Variants in KLF12 observed in about 807,000 individuals in gnomAD.
KLF12 encodes Krueppel-like factor 12.
In KLF12, 9 loss-of-function variants were observed where a neutral mutation model predicts 37.8. The ratio of observed to expected loss-of-function variants is 0.24; its 90% CI spans 0.14 to 0.42. The LOEUF (loss-of-function observed/expected upper bound fraction) is 0.42. KLF12 is among the 10% of genes least tolerant of loss of function. KLF12 has a pLI of 1.00. For synonymous variants in KLF12, 208 were observed against 202.1 expected, an observed-to-expected ratio of 1.03 and a Z score of -0.25; for missense variants, 411 against 516.0, an observed-to-expected ratio of 0.80 and a Z score of 1.97.
chr13:74,162,203 T>C, the KLF12 span, among the ~76,000 whole-genome samples: 1 of 152,304 alleles, frequency 6.6e-6, no homozygotes, highest in African/African-American at 2.4e-5. Flanking sequence ...GTAAAAGACG[T>C]GAATGATGGG....
chr13:74,169,217 T>G, the KLF12 span, among the ~76,000 whole-genome samples: 1 of 152,354 alleles, frequency 6.6e-6, no homozygotes, highest in East Asian at 1.9e-4. Flanking sequence ...ATTATAATAT[T>G]TAGAATATGC....
chr13:74,016,708 C>A (rs1484163975), intron 1 of KLF12, among the ~76,000 whole-genome samples: 2 of 152,146 alleles, frequency 1.3e-5, no homozygotes, highest in African/African-American at 4.8e-5. Context: ...GTTACTTAGG[C>A]AAACTGTTTG....
intron 5 of KLF12, among the ~76,000 whole-genome samples, chr13:73,765,626 C>T (rs1879859877): frequency 6.6e-6 from 1 of 152,112 alleles, no homozygotes; most frequent in Non-Finnish European, 1.5e-5. Flanking sequence ...GAATATATTG[C>T]TTTCCAAGCT....
chr13:74,225,503 C>A, the KLF12 span, among the ~76,000 whole-genome samples: 4 of 152,048 alleles, frequency 2.6e-5, no homozygotes, highest in African/African-American at 9.6e-5. Context: ...GCCTACATTG[C>A]GATTATTCCT....
intron 1 of KLF12, among the ~76,000 whole-genome samples, chr13:74,021,799 A>T (rs1232044585): frequency 6.6e-6 from 1 of 152,250 alleles, no homozygotes; most frequent in Non-Finnish European, 1.5e-5. Flanking sequence ...ATTGATAAGC[A>T]AATTAAATAA....
intron 3 of KLF12, among the ~76,000 whole-genome samples, chr13:73,891,083 T>A (rs1887483219): frequency 6.6e-6 from 1 of 152,000 alleles, no homozygotes; most frequent in South Asian, 2.1e-4. Flanking sequence ...TTCACCTTAA[T>A]AAGACTAAAG....
At chr13:73,930,347 T>G (rs1889608541) in intron 3 of KLF12, among the ~76,000 whole-genome samples, 1 of 152,222 alleles carries the variant, frequency 6.6e-6, no homozygotes, top group Non-Finnish European at 1.5e-5. Flanking sequence ...TATTTTTGCC[T>G]CTTACAGTTT....
At position 73,846,355 on chromosome 13, in the gene KLF12, A is replaced by G. The variant is rs1314506702; in HGVS notation, c.142T>C (p.Tyr48His). 4.3e-6 allele frequency: 7 copies of G among 1,612,716 alleles called. No individual in the cohort carries two copies. Among genetic ancestry groups the G allele is most frequent in the Non-Finnish European group, 5.9e-6 (7 of 1,179,596 alleles). The change falls in exon 4 of 8, where the codon TAT (tyrosine) becomes CAT (histidine). Residue 48 changes from tyrosine (Y) to histidine (H), a missense_variant. Physicochemically the swap from Tyr to His is moderately conservative, Grantham distance 83 (BLOSUM62 2). Around this residue, in one of 2 missense-constraint regions of KLF12, gnomAD observed 351 missense variants for 397.8 expected, o/e 0.88. Coordinates refer to ENST00000377669, the MANE Select transcript of KLF12 (RefSeq NM_007249.5). ...AGGGGAACGGCTTCCATATCGGGATAGTTGTGGACGTTTGGAGACTGTGGG... is the reference window on the plus strand; with the variant it reads ...AGGGGAACGGCTTCCATATCGGGATGGTTGTGGACGTTTGGAGACTGTGGG...
intron 1 of KLF12, among the ~76,000 whole-genome samples, chr13:73,997,161 C>A (rs925848374): frequency 6.6e-6 from 1 of 152,110 alleles, no homozygotes; most frequent in Non-Finnish European, 1.5e-5. Flanking sequence ...GCCTTTCAGC[C>A]CCTCATACTT....
intron 3 of KLF12, among the ~76,000 whole-genome samples, chr13:73,888,008 A>ATTT (rs35761111): frequency 1.2e-4 from 18 of 147,714 alleles, no homozygotes; most frequent in African/African-American, 4.4e-4. Flanking sequence ...AAATTTCAGA[A>ATTT]TTTTTTTTTT....
At position 73,853,156 on chromosome 13, in the gene KLF12, C is replaced by CATTTTTAAT. The variant is rs1885426501; in HGVS notation, c.124-6792_124-6784dup. ...TGCTGGGATTACAGGCGTGAGCCTA[C>CATTTTTAAT]ATTTTTAATGCTTTTTTACATATGA... On this transcript the variant is annotated intron_variant, in intron 3 of 7. Coordinates refer to ENST00000377669, the MANE Select transcript of KLF12 (RefSeq NM_007249.5). Among the ~76,000 whole-genome samples the CATTTTTAAT allele has an allele frequency of 2.0e-5, 3 of 152,176 alleles. No homozygotes were observed. In the South Asian group the frequency reaches 6.2e-4, roughly 32 times the overall value.
At chr13:74,099,105 T>C (rs74727942) in intron 1 of KLF12, among the ~76,000 whole-genome samples, 5,566 of 152,214 alleles carry the variant, frequency 0.037, 196 homozygotes, top group East Asian at 0.11. Context: ...TTCAACACTT[T>C]GGGAGGCCAA....
the KLF12 span, among the ~76,000 whole-genome samples, chr13:74,177,813 GA>G: frequency 6.6e-6 from 1 of 152,120 alleles, no homozygotes; most frequent in Non-Finnish European, 1.5e-5. Context: ...TTCAAACTAT[GA>G]AAAACTTTTG....
chr13:73,946,275 T>C (rs1268830506), intron 2 of KLF12, among the ~76,000 whole-genome samples: 1 of 152,196 alleles, frequency 6.6e-6, no homozygotes, highest in Non-Finnish European at 1.5e-5. Context: ...AAAAGCAGAT[T>C]TAATGAACTG....
At chr13:74,271,137 A>G in the KLF12 span, among the ~76,000 whole-genome samples, 2 of 152,162 alleles carry the variant, frequency 1.3e-5, no homozygotes, top group Admixed American at 1.3e-4. Flanking sequence ...AGCATTCCTT[A>G]TGAGAATCTA....
At chr13:74,028,550 T>A (rs1275620311) in intron 1 of KLF12, among the ~76,000 whole-genome samples, 1 of 152,094 alleles carries the variant, frequency 6.6e-6, no homozygotes, top group African/African-American at 2.4e-5. Flanking sequence ...TATACATATT[T>A]TATAATCCCT....
intron 6 of KLF12, among the ~76,000 whole-genome samples, chr13:73,740,925 A>G (rs1243385534): frequency 6.6e-6 from 1 of 152,198 alleles, no homozygotes; most frequent in Non-Finnish European, 1.5e-5. Flanking sequence ...AAGCCCGCCC[A>G]GTGCTAACGC....
chr13:74,144,010 G>T, the KLF12 span, among the ~76,000 whole-genome samples: 2 of 152,142 alleles, frequency 1.3e-5, no homozygotes, highest in Non-Finnish European at 2.9e-5. Flanking sequence ...CTACATTGTT[G>T]TTGTTACATA....
the KLF12 span, among the ~76,000 whole-genome samples, chr13:74,278,446 C>T: frequency 6.6e-6 from 1 of 152,186 alleles, no homozygotes; most frequent in Non-Finnish European, 1.5e-5. Flanking sequence ...GATCCCAATT[C>T]AGCAACAACT....
Sources: gnomAD v4.1 joint callset for allele counts (sites outside exome capture counted in the v4.1 genomes callset) on GRCh38, gnomAD v4.1.1 for gene constraint, gnomAD v4.1.1 regional missense constraint, MANE v1.5 for transcripts, NCBI Gene and HGNC (gene_info 2026-07-23, HGNC 2026-07-21) for gene names.